The following RBM27 variants were observed in gnomAD, a reference collection of about 807,000 sequenced individuals.
The protein encoded by RBM27 is RNA-binding protein 27.
In RBM27, 22 loss-of-function variants were observed where a neutral mutation model predicts 135.3. The ratio of observed to expected loss-of-function variants is 0.16; its 90% CI spans 0.12 to 0.23. The LOEUF is 0.23. RBM27 is among the 10% of genes least tolerant of loss of function. The probability of loss-of-function intolerance (pLI) is 1.00; values close to 1 mark genes in which losing one functional copy is unlikely to be tolerated. For synonymous variants in RBM27, 481 were observed against 442.4 expected, an observed-to-expected ratio of 1.09 and a Z score of -1.10; for missense variants, 1,009 against 1,281.0, an observed-to-expected ratio of 0.79 and a Z score of 3.24.
chr5:146,278,098 G>A (rs1201958958), intron 19 of RBM27, among the ~76,000 whole-genome samples: 2 of 152,248 alleles, frequency 1.3e-5, no homozygotes, highest in East Asian at 3.9e-4. Context: ...TAGTGACATT[G>A]GATGAGAGTA....
chr5:146,211,015 G>C (rs1376551498), intron 1 of RBM27, among the ~76,000 whole-genome samples: 4 of 151,980 alleles, frequency 2.6e-5, no homozygotes, highest in African/African-American at 9.7e-5. Flanking sequence ...GCTCATGCCT[G>C]TCATCCCAGC....
intron 19 of RBM27, among the ~76,000 whole-genome samples, chr5:146,273,708 G>C (rs1758967446): frequency 6.6e-6 from 1 of 152,090 alleles, no homozygotes; most frequent in African/African-American, 2.4e-5. Flanking sequence ...CAGAGGCCAA[G>C]GTAAAATCTA....
chr5:146,209,111 G>A (rs572976913), intron 1 of RBM27, among the ~76,000 whole-genome samples: 7 of 151,968 alleles, frequency 4.6e-5, no homozygotes, highest in Admixed American at 2.0e-4. Flanking sequence ...TTTTACCTAC[G>A]TCACCAAGTC....
chr5:146,206,464 CTTGAG>C (rs1425045650), intron 1 of RBM27, among the ~76,000 whole-genome samples: 1 of 143,282 alleles, frequency 7.0e-6, no homozygotes, highest in African/African-American at 2.6e-5. Flanking sequence ...AAAATGATTA[CTTGAG>C]TTTAGTTTCT....
At chr5:146,236,314 T>C (rs1296416699) in intron 7 of RBM27, among the ~76,000 whole-genome samples, 2 of 152,230 alleles carry the variant, frequency 1.3e-5, no homozygotes, top group Admixed American at 1.3e-4. Context: ...TTTGATGCTT[T>C]TCACAGTATG....
chr5:146,212,622 G>A (rs555940089), intron 1 of RBM27, among the ~76,000 whole-genome samples: 1 of 152,292 alleles, frequency 6.6e-6, no homozygotes, highest in Admixed American at 6.5e-5. Context: ...CTGAAGTGCT[G>A]GGATTACAGG....
rs907946779 is a variant in RBM27 at position 146,231,762 on chromosome 5, C to T, written c.850+845C>T. On this transcript the variant is annotated intron_variant, in intron 6 of 20. Coordinates refer to ENST00000265271, the MANE Select transcript of RBM27 (RefSeq NM_018989.2). ...CCTCCCAAGTAGCTGGGATTATAGG[C>T]GTGAGCCACCATGCCCGGCTAATTT... Among the ~76,000 whole-genome samples, 4 of 151,990 alleles carry T rather than the reference C, an allele frequency of 2.6e-5. No individual in the cohort carries two copies. In the South Asian group the frequency reaches 6.2e-4, roughly 24 times the overall value.
Position 146,269,217 on chromosome 5 carries a change from A to C in RBM27, c.2462A>C (p.Lys821Thr), listed in dbSNP as rs1327146876. 6.2e-7 allele frequency: 1 copy of C among 1,602,314 alleles called. No homozygotes were observed. The highest frequency in any genetic ancestry group is 1.1e-5 in the South Asian group (1 of 89,720). The change falls in exon 16 of 21, where the codon AAG becomes ACG. Residue 821 changes from lysine (K) to threonine (T), a missense_variant. By Grantham distance (78) the Lys-to-Thr change is moderately conservative. Around this residue, in one of 6 missense-constraint regions of RBM27, gnomAD observed 355 missense variants for 427.3 expected, o/e 0.83. Transcript: ENST00000265271. ...EVLKKKQEAM[K>T]LQQDMRKKRQ... ...TTTTTACTTATACAGGAAGCAATGA[A>C]GTTACAACAAGATATGAGGAAAAAA...
chr5:146,204,936 C>T (rs1458969316), intron 1 of RBM27, among the ~76,000 whole-genome samples: 1 of 151,982 alleles, frequency 6.6e-6, no homozygotes, highest in African/African-American at 2.4e-5. Context: ...CTCGCTGTGT[C>T]TCCCAGGCTG....
intron 12 of RBM27, 140 bp from the exon 13 acceptor site, chr5:146,261,370 C>G (rs1167794981): frequency 4.1e-6 from 3 of 728,178 alleles, no homozygotes; most frequent in Non-Finnish European, 6.8e-6. Context: ...CCTAAAAGCT[C>G]TATCTCTAAA....
In RBM27 at chr5:146,233,754, A is replaced by G. The variant is rs371762385; in HGVS notation, c.1144+11A>G. ...TGCTTCCCATACCAAGTAAGTATAT[A>G]TTTGTTGAATTTTTCTCTAGCGTTC... On this transcript the variant is annotated intron_variant, in intron 7 of 20. Transcript: ENST00000265271. 7 of 1,369,972 alleles carry G rather than the reference A, an allele frequency of 5.1e-6. No individual in the cohort carries two copies. In the African/African-American group the frequency reaches 8.8e-5, roughly 17 times the overall value. The allele number at this position is 1,369,972 out of a possible 1,614,324, so 84.9% of individuals were successfully genotyped here.
chr5:146,239,003 T>C (rs1213242047), intron 8 of RBM27, among the ~76,000 whole-genome samples: 1 of 152,204 alleles, frequency 6.6e-6, no homozygotes, highest in Non-Finnish European at 1.5e-5. Context: ...GGATTCATTA[T>C]TATATTATTG....
At position 146,271,546 on chromosome 5, in the gene RBM27, A is replaced by G; in HGVS notation, c.2860A>G (p.Arg954Gly). 3 of 1,613,832 alleles carry G rather than the reference A, an allele frequency of 1.9e-6. No homozygotes were observed. The highest frequency in any genetic ancestry group is 2.5e-6 in the Non-Finnish European group (3 of 1,179,784). ...GACCATGTCCTCTCAAGGTCGAGGA[A>G]GAGGCCGAGGGCGTGGAGGAAGAGG... ...GKTMSSQGRGRGRGRGGRGRG... is the reference protein window; with the variant it reads ...GKTMSSQGRGGGRGRGGRGRG... Residue 954 changes from arginine (R) to glycine (G), a missense_variant, in exon 19 of 21, where the codon AGA becomes GGA. Arg to Gly is a moderately radical substitution (Grantham distance 125). Around this residue, in one of 6 missense-constraint regions of RBM27, gnomAD observed 355 missense variants for 427.3 expected, o/e 0.83. Coordinates refer to ENST00000265271, the MANE Select transcript of RBM27 (RefSeq NM_018989.2).
chr5:146,259,978 T>TAA (rs1464037364), intron 11 of RBM27, among the ~76,000 whole-genome samples: 1 of 26,396 alleles, frequency 3.8e-5, no homozygotes, highest in African/African-American at 2.9e-4. Context: ...AGACTCCGTC[T>TAA]CAAAAAAAAA....
chr5:146,254,833 A>G (rs1314468871), intron 9 of RBM27, 110 bp from the exon 10 acceptor site: 5 of 989,148 alleles, frequency 5.1e-6, no homozygotes, highest in Non-Finnish European at 5.8e-6. Context: ...AGGTTGATGT[A>G]TTTGTTGGAG....
At chr5:146,272,983 A>G (rs1290311911) in intron 19 of RBM27, among the ~76,000 whole-genome samples, 1 of 152,198 alleles carries the variant, frequency 6.6e-6, no homozygotes, top group Non-Finnish European at 1.5e-5. Context: ...CTTGAGGAGT[A>G]AAGAAGATGG....
At chr5:146,218,927 CACT>C (rs1286927616) in intron 1 of RBM27, 55 bp from the exon 2 acceptor site, 1 of 1,085,906 alleles carries the variant, frequency 9.2e-7, no homozygotes, top group Non-Finnish European at 1.3e-6. Context: ...TCATTAATAA[CACT>C]ACTGTTTGAT....
At chr5:146,210,521 T>C (rs1755886392) in intron 1 of RBM27, among the ~76,000 whole-genome samples, 1 of 151,806 alleles carries the variant, frequency 6.6e-6, no homozygotes, top group African/African-American at 2.4e-5. Flanking sequence ...AAAAAAAATA[T>C]GTGAAAGGAG....
At chr5:146,217,475 T>G (rs1018995116) in intron 1 of RBM27, among the ~76,000 whole-genome samples, 1 of 134,740 alleles carries the variant, frequency 7.4e-6, no homozygotes, top group Non-Finnish European at 1.6e-5. Context: ...TTTTTTTTTT[T>G]TTTTTTTTTT....
Sources: allele counts gnomAD v4.1 joint callset (sites outside exome capture counted in the v4.1 genomes callset), GRCh38; gene constraint gnomAD v4.1.1; regional missense constraint gnomAD v4.1.1; transcripts MANE v1.5; gene names NCBI Gene and HGNC (gene_info 2026-07-23, HGNC 2026-07-21).